The following LRRK2 variants were observed in gnomAD, a reference collection of about 807,000 sequenced individuals.
The protein encoded by LRRK2 is leucine rich repeat kinase 2, also known as leucine-rich repeat serine/threonine-protein kinase 2.
In LRRK2, 203 loss-of-function variants were observed where a neutral mutation model predicts 302.6. The ratio of observed to expected loss-of-function variants is 0.67; its 90% CI spans 0.60 to 0.75. The LOEUF is 0.75. Among genes scored for constraint, LRRK2 ranks in the 30% least tolerant of loss-of-function variants. LRRK2 has a pLI of 0.00. For missense variants in LRRK2, 2,830 were observed against 2,951.0 expected (o/e 0.96, Z 0.95); for synonymous variants, 1,066 against 1,031.9 (o/e 1.03, Z -0.63).
intron 41 of LRRK2, among the ~76,000 whole-genome samples, chr12:40,341,050 A>C (rs1242479840): frequency 6.6e-6 from 1 of 152,132 alleles, no homozygotes; most frequent in Admixed American, 6.5e-5. Context: ...ATCACTGTCT[A>C]CCCTGTGGAA....
At chr12:40,302,739 G>C in intron 25 of LRRK2, 50 bp from the exon 26 acceptor site, 1 of 1,272,108 alleles carries the variant, frequency 7.9e-7, no homozygotes, top group Non-Finnish European at 1.1e-6. Flanking sequence ...GAATTTAATG[G>C]AAATCTGGTT....
chr12:40,298,668 A>G (rs1306093870), intron 24 of LRRK2, among the ~76,000 whole-genome samples, 175 bp downstream of exon 24: 3 of 149,670 alleles, frequency 2.0e-5, no homozygotes, highest in Admixed American at 6.7e-5. Context: ...AGCTACTCAG[A>G]GGCTGAGGCA....
Position 40,303,955 on chromosome 12 carries a change from T to A in LRRK2, c.3598T>A (p.Ser1200Thr). ...EAILNLPHLR[S>T]LDMSSNDIQY... ...TTCTGTGTATTGTTTTAGCTTGCGG[T>A]CTTTAGATATGAGCAGCAATGATAT... The change falls in exon 27 of 51, where the codon TCT becomes ACT. Residue 1200 changes from serine to threonine, a missense_variant. Ser to Thr is a moderately conservative substitution (Grantham distance 58). This residue lies in a region of LRRK2 where 2,121 missense variants were observed against 2,148.0 expected (regional missense o/e 0.99). Coordinates refer to ENST00000298910, the MANE Select transcript of LRRK2 (RefSeq NM_198578.4). The A allele has an allele frequency of 6.2e-7, 1 of 1,613,678 alleles. No individual in the cohort carries two copies. The highest frequency in any genetic ancestry group is 8.5e-7 in the Non-Finnish European group (1 of 1,179,702).
chr12:40,225,438 T>C, intron 1 of LRRK2, 117 bp from the exon 2 acceptor site: 10 of 1,268,446 alleles, frequency 7.9e-6, no homozygotes, highest in Non-Finnish European at 1.1e-5. Flanking sequence ...AGAAAGCAGC[T>C]GAGAATTTCA....
chr12:40,260,106 A>G lies in LRRK2; in HGVS notation c.1543+502A>G, dbSNP rs73276895. On this transcript the variant is annotated intron_variant, in intron 13 of 50. Transcript: ENST00000298910. ...TGTTACTGACATCTGTTATCACCTT[A>G]TTTGTTCTCCAAAGCCCCTTTAAAA... 7.8e-3 allele frequency among the ~76,000 whole-genome samples: 1,187 copies of G among 152,012 alleles called. 20 individuals carry two copies. Among genetic ancestry groups the G allele is most frequent in the African/African-American group, 0.026 (1,092 of 41,442 alleles).
At position 40,367,903 on chromosome 12, in the gene LRRK2, A is replaced by C. The variant is rs1946927815; in HGVS notation, c.*138A>C. 4.6e-6 allele frequency: 3 copies of C among 652,656 alleles called. No individual in the cohort carries two copies. The highest frequency in any genetic ancestry group is 3.7e-5 in the African/African-American group (2 of 53,472). 40.4% of individuals were successfully genotyped at this position (652,656 alleles called of 1,614,324 possible). On this transcript the variant is annotated 3_prime_UTR_variant, in exon 51 of 51. Coordinates refer to ENST00000298910, the MANE Select transcript of LRRK2 (RefSeq NM_198578.4). ...TGTATGAAGGAATGTTATTATTTTTAATTTAAATATATGTAAAAATACTTA... is the reference window on the plus strand; with the variant it reads ...TGTATGAAGGAATGTTATTATTTTTCATTTAAATATATGTAAAAATACTTA...
intron 47 of LRRK2, among the ~76,000 whole-genome samples, chr12:40,362,171 C>G (rs1010271233): frequency 6.6e-6 from 1 of 151,910 alleles, no homozygotes; most frequent in Non-Finnish European, 1.5e-5. Flanking sequence ...GAACTATTTT[C>G]TATTAAATAC....
intron 14 of LRRK2, among the ~76,000 whole-genome samples, chr12:40,268,551 T>G (rs1485471230): frequency 1.3e-5 from 2 of 152,136 alleles, no homozygotes; most frequent in African/African-American, 2.4e-5. Flanking sequence ...TCTTTTTTGA[T>G]GAAGGACTAA....
At chr12:40,255,878 G>A (rs181631450) in intron 11 of LRRK2, among the ~76,000 whole-genome samples, 138 of 152,202 alleles carry the variant, frequency 9.1e-4, no homozygotes, top group Non-Finnish European at 5.9e-5. Context: ...GTGTTTAAAA[G>A]GTATGAGTTT....
chr12:40,256,139 G>A (rs1470212955), intron 11 of LRRK2, among the ~76,000 whole-genome samples: 10 of 152,124 alleles, frequency 6.6e-5, no homozygotes, highest in Non-Finnish European at 1.2e-4. Context: ...GTTTAGTGAA[G>A]GAAGTTTATT....
intron 20 of LRRK2, among the ~76,000 whole-genome samples, chr12:40,290,546 G>A (rs1944104333): frequency 6.6e-6 from 1 of 151,978 alleles, no homozygotes; most frequent in African/African-American, 2.4e-5. Context: ...AGGAGATTTA[G>A]AATTATGAAT....
intron 14 of LRRK2, among the ~76,000 whole-genome samples, chr12:40,273,266 C>T (rs766043675): frequency 2.0e-5 from 3 of 152,020 alleles, no homozygotes; most frequent in East Asian, 1.9e-4. Flanking sequence ...TTCTCAGATT[C>T]GCATAATTTG....
At chr12:40,267,132 A>T (rs1170840350) in intron 14 of LRRK2, among the ~76,000 whole-genome samples, 1 of 152,204 alleles carries the variant, frequency 6.6e-6, no homozygotes, top group African/African-American at 2.4e-5. Context: ...TTAAAGTATA[A>T]TTAAAAAAAA....
chr12:40,344,022 C>A (rs1410760700), intron 41 of LRRK2, among the ~76,000 whole-genome samples: 1 of 152,116 alleles, frequency 6.6e-6, no homozygotes, highest in Non-Finnish European at 1.5e-5. Context: ...AGTTTAAAAG[C>A]ATTTCCATAT....
chr12:40,258,957 C>T (rs1246161101), intron 12 of LRRK2, among the ~76,000 whole-genome samples: 1 of 152,022 alleles, frequency 6.6e-6, no homozygotes, highest in Non-Finnish European at 1.5e-5. Context: ...GAAAGAATAG[C>T]TTAAATACCT....
chr12:40,334,263 G>C (rs1945802723), intron 39 of LRRK2, among the ~76,000 whole-genome samples: 1 of 152,112 alleles, frequency 6.6e-6, no homozygotes, highest in Non-Finnish European at 1.5e-5. Flanking sequence ...TGTGTGCACT[G>C]TTTCTGCATT....
chr12:40,303,117 A>C (rs868320574), intron 26 of LRRK2, among the ~76,000 whole-genome samples: 1 of 152,130 alleles, frequency 6.6e-6, no homozygotes, highest in South Asian at 2.1e-4. Flanking sequence ...TTGTTTAATT[A>C]ATTGCTGTAT....
At chr12:40,336,014 A>G (rs1017445102) in intron 40 of LRRK2, among the ~76,000 whole-genome samples, 6 of 152,102 alleles carry the variant, frequency 3.9e-5, no homozygotes, top group African/African-American at 1.4e-4. Flanking sequence ...CTCATTGCCT[A>G]CTGGTCCCCT....
intron 18 of LRRK2, among the ~76,000 whole-genome samples, chr12:40,282,333 T>C (rs755630023): frequency 6.6e-5 from 10 of 151,888 alleles, no homozygotes; most frequent in Non-Finnish European, 1.3e-4. Context: ...ACAAGTTGGA[T>C]TGCAGTAATG....
Sources: allele counts gnomAD v4.1 joint callset (sites outside exome capture counted in the v4.1 genomes callset), GRCh38; gene constraint gnomAD v4.1.1; regional missense constraint gnomAD v4.1.1; transcripts MANE v1.5; gene names NCBI Gene and HGNC (gene_info 2026-07-23, HGNC 2026-07-21).